SLC26A2: variants seen among roughly 807,000 people sequenced by gnomAD.
The protein encoded by SLC26A2 is solute carrier family 26 member 2, also known as sulfate transporter.
SLC26A2 carries 36 observed loss-of-function variants against 41.1 expected under a neutral mutation model. The observed-to-expected ratio is 0.88, with a 90% CI of 0.67 to 1.16. The LOEUF (loss-of-function observed/expected upper bound fraction) is 1.16, where lower values mean the gene tolerates loss of function less well. Among genes scored for constraint, SLC26A2 ranks in the 50% most tolerant of loss-of-function variants. SLC26A2 has a pLI of 0.00. For missense variants in SLC26A2, 796 were observed against 869.6 expected (o/e 0.92, Z 1.07); for synonymous variants, 291 against 311.6 (o/e 0.93, Z 0.70).
rs150314895 is a variant in SLC26A2, at chr5:149,981,080, G to A, written c.1487G>A (p.Arg496His). The change falls in exon 3 of 3, where the codon CGT becomes CAT. Residue 496 changes from arginine (R) to histidine (H), a missense_variant. Transcript: ENST00000286298. Reference protein sequence around the residue: ...ITIVNLRGALRKFRDLPKMWS... With the variant: ...ITIVNLRGALHKFRDLPKMWS... ...ATTGTAAATCTACGGGGAGCCCTTC[G>A]TAAATTTAGGGATCTTCCCAAAATG... The A allele has an allele frequency of 1.5e-4, 244 of 1,614,122 alleles. No individual in the cohort carries two copies. Among genetic ancestry groups the A allele is most frequent in the Non-Finnish European group, 1.9e-4 (224 of 1,179,990 alleles).
At position 149,984,027 on chromosome 5, in the gene SLC26A2, C is replaced by T. The variant is rs1234562161; in HGVS notation, c.*2214C>T. The T allele has an allele frequency of 6.6e-6, 1 of 152,172 alleles. No individual in the cohort carries two copies. The highest frequency in any genetic ancestry group is 2.4e-5 in the African/African-American group (1 of 41,420). 9.4% of individuals were successfully genotyped at this position (152,172 alleles called of 1,614,324 possible). A position where few individuals can be genotyped will look rare whatever the true frequency, so the allele number is the denominator to read the frequency against. On this transcript the variant is annotated 3_prime_UTR_variant, in exon 3 of 3. Coordinates refer to ENST00000286298, the MANE Select transcript of SLC26A2 (RefSeq NM_000112.4). ...ACCAACACAGCAAAAAATATAATTCCAGCCAAAGATTCTGGAAAATCCCTC... is the reference window on the plus strand; with the variant it reads ...ACCAACACAGCAAAAAATATAATTCTAGCCAAAGATTCTGGAAAATCCCTC...
At position 149,985,038 on chromosome 5, in the gene SLC26A2, T is replaced by G. The variant is rs144502932; in HGVS notation, c.*3225T>G. 6.6e-6 allele frequency: 1 copy of G among 152,188 alleles called. No individual in the cohort carries two copies. Among genetic ancestry groups the G allele is most frequent in the African/African-American group, 2.4e-5 (1 of 41,442 alleles). 9.4% of individuals were successfully genotyped at this position (152,188 alleles called of 1,614,324 possible). A position where few individuals can be genotyped will look rare whatever the true frequency, so the allele number is the denominator to read the frequency against. ...GGAGGCAGAAAAGAGAGGAACCCAG[T>G]TGAATAGGATCCAATCCCTGGTTAG... On this transcript the variant is annotated 3_prime_UTR_variant, in exon 3 of 3. Transcript: ENST00000286298.
chr5:149,977,749 A>T lies in SLC26A2; in HGVS notation c.97A>T (p.Arg33Trp). ...YPSGIHLELQRESSTDFKQFE... is the reference protein window; with the variant it reads ...YPSGIHLELQWESSTDFKQFE... Reference sequence around the variant, plus strand: ...ATCTGGGATCCATCTGGAACTTCAAAGGGAATCAAGTACTGACTTCAAGCA... The same window carrying T: ...ATCTGGGATCCATCTGGAACTTCAATGGGAATCAAGTACTGACTTCAAGCA... Residue 33 changes from arginine (R) to tryptophan (W), a missense_variant, in exon 2 of 3, where the codon AGG becomes TGG. Physicochemically the swap from Arg to Trp is moderately radical, Grantham distance 101. Coordinates refer to ENST00000286298, the MANE Select transcript of SLC26A2 (RefSeq NM_000112.4). 1 of 1,613,972 alleles carries T rather than the reference A, an allele frequency of 6.2e-7. No homozygotes were observed. Among genetic ancestry groups the T allele is most frequent in the Non-Finnish European group, 8.5e-7 (1 of 1,179,820 alleles).
At chr5:149,971,080 C>A (rs991144951) in intron 1 of SLC26A2, among the ~76,000 whole-genome samples, 1 of 152,132 alleles carries the variant, frequency 6.6e-6, no homozygotes, top group Non-Finnish European at 1.5e-5. Flanking sequence ...GGTTGCAGGC[C>A]CATTTAACAC....
rs773777268 is a variant in SLC26A2 at position 149,985,647 on chromosome 5, T to G, written c.*3834T>G. On this transcript the variant is annotated 3_prime_UTR_variant, in exon 3 of 3. Transcript: ENST00000286298. ...TTTCTTGGTAACTTAAACTGAGTCTTGAAGTTATAATGATCCATTCGAGTT... is the reference window on the plus strand; with the variant it reads ...TTTCTTGGTAACTTAAACTGAGTCTGGAAGTTATAATGATCCATTCGAGTT... 6 of 152,218 alleles carry G rather than the reference T, an allele frequency of 3.9e-5. No individual in the cohort carries two copies. The highest frequency in any genetic ancestry group is 4.4e-5 in the Non-Finnish European group (3 of 68,038). The allele number at this position is 152,218 out of a possible 1,614,324, so 9.4% of individuals were successfully genotyped here. A position where few individuals can be genotyped will look rare whatever the true frequency, so the allele number is the denominator to read the frequency against.
Position 149,980,289 on chromosome 5 carries a change from C to G in SLC26A2, c.700-4C>G, listed in dbSNP as rs1755068264. The G allele has an allele frequency of 6.2e-7, 1 of 1,612,000 alleles. No homozygotes were observed. Among genetic ancestry groups the G allele is most frequent in the Non-Finnish European group, 8.5e-7 (1 of 1,178,064 alleles). ...ATTTAACACTTCTATATCCTTCCTT[C>G]CAGGTAGCGATGGGCTTCTTTCAAG... is the stretch of plus-strand genomic sequence containing the variant. On this transcript the variant is annotated splice_region_variant and splice_polypyrimidine_tract_variant and intron_variant, in intron 2 of 2. Coordinates refer to ENST00000286298, the MANE Select transcript of SLC26A2 (RefSeq NM_000112.4).
chr5:149,968,683 G>T (rs892211835), intron 1 of SLC26A2, among the ~76,000 whole-genome samples: 3 of 151,114 alleles, frequency 2.0e-5, no homozygotes, highest in Non-Finnish European at 4.4e-5. Context: ...GCCTCCCAAA[G>T]TGCTGGGATT....
In SLC26A2 at chr5:149,986,289, A is replaced by G. The variant is rs1755198612; in HGVS notation, c.*4476A>G. On this transcript the variant is annotated 3_prime_UTR_variant, in exon 3 of 3. Coordinates refer to ENST00000286298, the MANE Select transcript of SLC26A2 (RefSeq NM_000112.4). ...ATTCGTGGGGTTTTTTTTTGTAAAA[A>G]CAGTTTAGATAATCCTGAATGCAAT... The G allele has an allele frequency of 6.6e-6, 1 of 152,120 alleles. No individual in the cohort carries two copies. The highest frequency in any genetic ancestry group is 2.1e-4 in the South Asian group (1 of 4,826). 9.4% of individuals were successfully genotyped at this position (152,120 alleles called of 1,614,324 possible).
At chr5:149,979,752 G>GAA in intron 2 of SLC26A2, among the ~76,000 whole-genome samples, 1 of 152,330 alleles carries the variant, frequency 6.6e-6, no homozygotes, top group East Asian at 1.9e-4. Context: ...TTTAAAGTGT[G>GAA]ATTCTACTTT....
intron 1 of SLC26A2, among the ~76,000 whole-genome samples, chr5:149,972,654 CTTT>C (rs1388465417): frequency 1.3e-5 from 2 of 152,202 alleles, no homozygotes; most frequent in Non-Finnish European, 2.9e-5. Context: ...AGTCCTTTCA[CTTT>C]TAACCTATGT....
chr5:149,976,891 G>A (rs1755000563), intron 1 of SLC26A2, among the ~76,000 whole-genome samples: 1 of 152,168 alleles, frequency 6.6e-6, no homozygotes, highest in African/African-American at 2.4e-5. Context: ...CTCCATACTA[G>A]AACATAGTGG....
At chr5:149,978,412 T>G in intron 2 of SLC26A2, 61 bp downstream of exon 2, 5 of 1,201,228 alleles carry the variant, frequency 4.2e-6, no homozygotes, top group Non-Finnish European at 4.9e-6. Context: ...TGAAATCTCA[T>G]ATCTCTAAGG....
At chr5:149,968,030 C>T (rs952209837) in intron 1 of SLC26A2, among the ~76,000 whole-genome samples, 6 of 143,860 alleles carry the variant, frequency 4.2e-5, no homozygotes, top group Admixed American at 2.8e-4. Context: ...TTGTTTGCAT[C>T]GTGTCTGTCT....
chr5:149,971,420 C>A (rs571300252), intron 1 of SLC26A2, among the ~76,000 whole-genome samples: 1 of 151,966 alleles, frequency 6.6e-6, no homozygotes, highest in East Asian at 1.9e-4. Context: ...TTTTCTTTTT[C>A]TGAGGGTCTC....
rs1454621494 is a variant in SLC26A2 at position 149,980,418 on chromosome 5, C to T, written c.825C>T (p.Leu275=). ...LTSQAKYLLG[L]NLPRTNGVGS... is the part of the protein sequence containing the mutation. ...CTCAGGCCAAGTATCTTCTTGGGCT[C>T]AACCTTCCTCGGACTAATGGTGTGG... The change falls in exon 3 of 3, where the codon CTC becomes CTT. Residue 275 remains leucine, a synonymous_variant. Transcript: ENST00000286298. 1 of 1,614,102 alleles carries T rather than the reference C, an allele frequency of 6.2e-7. No homozygotes were observed. Among genetic ancestry groups the T allele is most frequent in the Non-Finnish European group, 8.5e-7 (1 of 1,179,994 alleles).
chr5:149,976,817 G>A (rs138888627), intron 1 of SLC26A2, among the ~76,000 whole-genome samples: 1 of 152,312 alleles, frequency 6.6e-6, no homozygotes, highest in Non-Finnish European at 1.5e-5. Flanking sequence ...GTGTTTCAGT[G>A]TGTGTACTTA....
At chr5:149,962,113 T>G (rs540740164) in intron 1 of SLC26A2, 5 of 152,362 alleles carry the variant, frequency 3.3e-5, no homozygotes, top group African/African-American at 1.2e-4. Flanking sequence ...CCAGTGATTC[T>G]CCAAGTGTGG....
At chr5:149,964,156 A>G (rs1036022966) in intron 1 of SLC26A2, among the ~76,000 whole-genome samples, 1 of 152,142 alleles carries the variant, frequency 6.6e-6, no homozygotes, top group African/African-American at 2.4e-5. Flanking sequence ...CATCTTGCTA[A>G]TGAATGCTTC....
In SLC26A2 at chr5:149,968,555, C is replaced by T. The variant is rs370838280; in HGVS notation, c.-26+7576C>T. Among the ~76,000 whole-genome samples, 12 of 149,990 alleles carry T rather than the reference C, an allele frequency of 8.0e-5. No individual in the cohort carries two copies. In the South Asian group the frequency reaches 2.1e-3, roughly 26 times the overall value. On this transcript the variant is annotated intron_variant, in intron 1 of 2. Transcript: ENST00000286298. ...CTGCCTGAGTAGCTAGGACTACAGG[C>T]GCCCGCCACCATGCCTGGCTAATTT...
Sources: allele counts gnomAD v4.1 joint callset (sites outside exome capture counted in the v4.1 genomes callset), GRCh38; gene constraint gnomAD v4.1.1; transcripts MANE v1.5; gene names NCBI Gene and HGNC (gene_info 2026-07-23, HGNC 2026-07-21).